GABRB1: variants seen among roughly 807,000 people sequenced by gnomAD.
GABRB1 encodes gamma-aminobutyric acid receptor subunit beta-1.
In GABRB1, 17 loss-of-function variants were observed where a neutral mutation model predicts 51.6. The ratio of observed to expected loss-of-function variants is 0.33; its 90% CI spans 0.23 to 0.49. The LOEUF (loss-of-function observed/expected upper bound fraction) is 0.49. GABRB1 is among the 20% of genes least tolerant of loss of function. The pLI is 0.99. For missense variants in GABRB1, 410 were observed against 600.6 expected, an observed-to-expected ratio of 0.68 and a Z score of 3.32; for synonymous variants, 247 against 218.9, an observed-to-expected ratio of 1.13 and a Z score of -1.14.
At chr4:47,158,944 T>C (rs1717819242) in intron 3 of GABRB1, among the ~76,000 whole-genome samples, 1 of 151,978 alleles carries the variant, frequency 6.6e-6, no homozygotes, top group South Asian at 2.1e-4. Flanking sequence ...TCTCAATTGA[T>C]GCTCACAAAA....
chr4:47,092,174 T>C (rs1728332983), intron 3 of GABRB1, among the ~76,000 whole-genome samples: 1 of 134,762 alleles, frequency 7.4e-6, no homozygotes, highest in Non-Finnish European at 1.6e-5. Context: ...TCTTTTTTTT[T>C]TTTTTTTTTT....
intron 5 of GABRB1, among the ~76,000 whole-genome samples, chr4:47,393,385 C>T (rs1728073771): frequency 2.6e-5 from 4 of 152,052 alleles, no homozygotes. Context: ...GTGCTTTTTT[C>T]GAGGCGTGTG....
intron 8 of GABRB1, among the ~76,000 whole-genome samples, chr4:47,408,852 A>G (rs1671434148): frequency 6.6e-6 from 1 of 152,202 alleles, no homozygotes; most frequent in South Asian, 2.1e-4. Context: ...ATAAGTCACG[A>G]GGGAAAACCC....
chr4:47,117,845 G>A (rs574205227), intron 3 of GABRB1, among the ~76,000 whole-genome samples: 7 of 152,224 alleles, frequency 4.6e-5, no homozygotes, highest in South Asian at 2.1e-4. Context: ...GGATTGTTGC[G>A]ATAATTAAAG....
intron 4 of GABRB1, among the ~76,000 whole-genome samples, chr4:47,274,915 A>G (rs776209051): frequency 1.3e-5 from 2 of 152,168 alleles, no homozygotes; most frequent in African/African-American, 2.4e-5. Flanking sequence ...CTATTCAGCT[A>G]GAAGAAATTA....
chr4:47,094,290 A>T (rs1450858687), intron 3 of GABRB1, among the ~76,000 whole-genome samples: 1 of 137,000 alleles, frequency 7.3e-6, no homozygotes, highest in Non-Finnish European at 1.5e-5. Context: ...CAGTGGCGTG[A>T]TGTCAGCTCA....
chr4:47,081,992 A>G (rs1335262667), intron 3 of GABRB1, among the ~76,000 whole-genome samples: 1 of 152,044 alleles, frequency 6.6e-6, no homozygotes, highest in Non-Finnish European at 1.5e-5. Context: ...ATAGTTGCTT[A>G]TTTCACAAAA....
chr4:47,176,048 G>C (rs1053174829), intron 4 of GABRB1, among the ~76,000 whole-genome samples: 2 of 152,132 alleles, frequency 1.3e-5, no homozygotes, highest in African/African-American at 4.8e-5. Flanking sequence ...AACTATAAAT[G>C]CATTTCTAAA....
intron 3 of GABRB1, among the ~76,000 whole-genome samples, chr4:47,037,535 T>TTG (rs1560505820): frequency 3.0e-5 from 4 of 134,854 alleles, no homozygotes; most frequent in Non-Finnish European, 6.3e-5. Flanking sequence ...TTCGTTTTTT[T>TTG]TTGTTGTTGT....
rs1190082065 is a variant in GABRB1 at position 47,031,991 on chromosome 4, G to T, written c.158G>T (p.Arg53Leu). 1.2e-6 allele frequency: 2 copies of T among 1,613,282 alleles called. No individual in the cohort carries two copies. Among genetic ancestry groups the T allele is most frequent in the Admixed American group, 1.7e-5 (1 of 59,904 alleles). The change falls in exon 2 of 9, where the codon CGG becomes CTG. Residue 53 changes from arginine to leucine, a missense_variant. Physicochemically the swap from Arg to Leu is moderately radical, Grantham distance 102. This residue lies in a region of GABRB1 where 100 missense variants were observed against 184.3 expected (regional missense o/e 0.54). Coordinates refer to ENST00000295454, the MANE Select transcript of GABRB1 (RefSeq NM_000812.4). ...CTCAAAGGATATGACATTCGCTTGC[G>T]GCCGGACTTCGGAGGTAACGCTTCA... ...RLLKGYDIRL[R>L]PDFGGPPVDV...
Position 47,066,721 on chromosome 4 carries a change from C to G in GABRB1, c.240+34237C>G, listed in dbSNP as rs375022218. ...TTCTAGTTCTCCTGCTATTTCTATACATCTGTAGTCAATTCCTCCACTGAA... is the reference window on the plus strand; with the variant it reads ...TTCTAGTTCTCCTGCTATTTCTATAGATCTGTAGTCAATTCCTCCACTGAA... On this transcript the variant is annotated intron_variant, in intron 3 of 8. Transcript: ENST00000295454. 5.9e-5 allele frequency among the ~76,000 whole-genome samples: 9 copies of G among 152,254 alleles called. No homozygotes were observed. In the South Asian group the frequency reaches 1.2e-3, roughly 21 times the overall value.
upstream of GABRB1, among the ~76,000 whole-genome samples, chr4:47,027,024 GAA>G (rs1217102755): frequency 1.3e-5 from 2 of 151,580 alleles, no homozygotes; most frequent in African/African-American, 4.8e-5. Context: ...AAGATATTAT[GAA>G]CACTAGATAT....
intron 4 of GABRB1, among the ~76,000 whole-genome samples, chr4:47,211,924 G>A (rs1450707545): frequency 6.6e-6 from 1 of 152,072 alleles, no homozygotes; most frequent in Non-Finnish European, 1.5e-5. Context: ...TTAGCACCCA[G>A]GCAAATAATC....
intron 5 of GABRB1, among the ~76,000 whole-genome samples, chr4:47,330,743 A>G (rs1410754544): frequency 6.6e-6 from 1 of 152,190 alleles, no homozygotes; most frequent in East Asian, 1.9e-4. Context: ...TACATCACTA[A>G]TACATTGCTT....
At chr4:47,162,185 T>C (rs149616489) in intron 4 of GABRB1, among the ~76,000 whole-genome samples, 4 of 152,224 alleles carry the variant, frequency 2.6e-5, no homozygotes, top group African/African-American at 7.2e-5. Context: ...CTTGAGTCTA[T>C]TGATAGCCAC....
chr4:47,001,327 A>G (rs1156486279), intron 1 of GABRB1, among the ~76,000 whole-genome samples: 1 of 151,890 alleles, frequency 6.6e-6, no homozygotes, highest in Admixed American at 6.5e-5. Context: ...TATTTTTAGT[A>G]GAGATGTGGT....
chr4:47,285,057 G>A (rs891195074), intron 4 of GABRB1, among the ~76,000 whole-genome samples: 1 of 152,172 alleles, frequency 6.6e-6, no homozygotes, highest in Non-Finnish European at 1.5e-5. Context: ...GCAATACAAT[G>A]AGAGTATTTG....
chr4:47,134,766 GC>G (rs1327244640), intron 3 of GABRB1, among the ~76,000 whole-genome samples: 1 of 152,126 alleles, frequency 6.6e-6, no homozygotes, highest in Non-Finnish European at 1.5e-5. Context: ...AGGGACATGA[GC>G]AAAAAGTTTT....
At chr4:47,424,355 T>C (rs113261612) in intron 8 of GABRB1, among the ~76,000 whole-genome samples, 3,876 of 152,280 alleles carry the variant, frequency 0.025, 154 homozygotes, top group African/African-American at 0.085. Context: ...GGGGATGGGA[T>C]GGCCTTTTAA....
Sources: gnomAD v4.1 joint callset for allele counts (sites outside exome capture counted in the v4.1 genomes callset) on GRCh38, gnomAD v4.1.1 for gene constraint, gnomAD v4.1.1 regional missense constraint, MANE v1.5 for transcripts, NCBI Gene and HGNC (gene_info 2026-07-23, HGNC 2026-07-21) for gene names.